Variants in DIP2B observed in about 807,000 individuals in gnomAD.
DIP2B encodes DIP2 acetate--CoA ligase B (putative).
A neutral mutation model predicts 198.0 loss-of-function variants in DIP2B; 76 were observed. The observed-to-expected ratio is 0.38, with a 90% CI of 0.32 to 0.46. The LOEUF (loss-of-function observed/expected upper bound fraction) is 0.46, where lower values mean the gene tolerates loss of function less well. Among genes scored for constraint, DIP2B ranks in the 20% least tolerant of loss-of-function variants. The pLI, the probability that DIP2B is intolerant of heterozygous loss-of-function variation, is 0.99. For missense variants in DIP2B, 1,559 were observed against 1,978.4 expected, an observed-to-expected ratio of 0.79 and a Z score of 4.02; for synonymous variants, 701 against 739.1, an observed-to-expected ratio of 0.95 and a Z score of 0.84.
At chr12:50,574,366 T>G (rs1958640212) in intron 1 of DIP2B, among the ~76,000 whole-genome samples, 1 of 152,220 alleles carries the variant, frequency 6.6e-6, no homozygotes, top group African/African-American at 2.4e-5. Flanking sequence ...AATATTGCTT[T>G]TATTACTGAT....
At chr12:50,571,948 A>G (rs572280718) in intron 1 of DIP2B, among the ~76,000 whole-genome samples, 51 of 152,300 alleles carry the variant, frequency 3.3e-4, no homozygotes, top group African/African-American at 1.2e-3. Context: ...TTTCCAGTTC[A>G]ACTTTTAGTT....
intron 36 of DIP2B, among the ~76,000 whole-genome samples, chr12:50,739,787 A>C (rs1386415433): frequency 6.6e-6 from 1 of 152,216 alleles, no homozygotes; most frequent in African/African-American, 2.4e-5. Context: ...GCTTGGGGCA[A>C]GCCCAGGAGC....
chr12:50,505,885 T>C (rs1444263607), intron 1 of DIP2B, among the ~76,000 whole-genome samples: 1 of 152,064 alleles, frequency 6.6e-6, no homozygotes, highest in East Asian at 1.9e-4. Flanking sequence ...TGGTGCCTGT[T>C]ATTCGGGCCG....
At position 50,576,091 on chromosome 12, in the gene DIP2B, C is replaced by T. The variant is rs553089593; in HGVS notation, c.101-49885C>T. 4.2e-5 allele frequency among the ~76,000 whole-genome samples: 6 copies of T among 141,862 alleles called. No individual in the cohort carries two copies. The South Asian group carries it at 6.7e-4, about 16-fold the overall frequency. 93.1% of individuals were successfully genotyped at this position (141,862 alleles called of 152,430 possible). On this transcript the variant is annotated intron_variant, in intron 1 of 37. Coordinates refer to ENST00000301180, the MANE Select transcript of DIP2B (RefSeq NM_173602.3). ...TTTTTTCACTTTTTTTTTTTTGAGA[C>T]GGAGTTTTGCTCTTGTTGCCCAGGC... is the stretch of plus-strand genomic sequence containing the variant.
intron 1 of DIP2B, among the ~76,000 whole-genome samples, chr12:50,569,178 G>A (rs1467128474): frequency 1.3e-5 from 2 of 151,194 alleles, no homozygotes; most frequent in Non-Finnish European, 2.9e-5. Flanking sequence ...GGCACATAAA[G>A]TATCAGATAA....
chr12:50,648,370 T>C (rs553654741), intron 3 of DIP2B, among the ~76,000 whole-genome samples: 9 of 152,248 alleles, frequency 5.9e-5, no homozygotes, highest in African/African-American at 2.2e-4. Context: ...ATTTTATTTA[T>C]TTATTTTTTT....
intron 1 of DIP2B, among the ~76,000 whole-genome samples, chr12:50,514,531 C>T (rs1003831952): frequency 6.6e-6 from 1 of 152,204 alleles, no homozygotes; most frequent in Non-Finnish European, 1.5e-5. Flanking sequence ...CCTCCATGTT[C>T]TTACTCTCAT....
intron 8 of DIP2B, among the ~76,000 whole-genome samples, 186 bp from the exon 9 acceptor site, chr12:50,680,486 T>C (rs1939021993): frequency 6.6e-6 from 1 of 152,176 alleles, no homozygotes; most frequent in Non-Finnish European, 1.5e-5. Context: ...TTTTGTAAAC[T>C]AGAATGAATA....
chr12:50,694,215 G>T (rs1369637244), intron 14 of DIP2B, among the ~76,000 whole-genome samples: 5 of 152,116 alleles, frequency 3.3e-5, no homozygotes, highest in Non-Finnish European at 5.9e-5. Context: ...ATATACCACA[G>T]CCGGGCACTG....
At chr12:50,719,859 A>T (rs556109870) in intron 25 of DIP2B, among the ~76,000 whole-genome samples, 23 of 147,894 alleles carry the variant, frequency 1.6e-4, no homozygotes, top group African/African-American at 4.9e-4. Flanking sequence ...AAAAAGAAAA[A>T]ATATATATAT....
intron 37 of DIP2B, among the ~76,000 whole-genome samples, chr12:50,743,411 C>A (rs1176766914): frequency 6.6e-6 from 1 of 152,128 alleles, no homozygotes; most frequent in East Asian, 1.9e-4. Flanking sequence ...TTTAGCCCTG[C>A]ATACCAAGTC....
At chr12:50,686,760 A>AT (rs1939137955) in intron 12 of DIP2B, 78 bp downstream of exon 12, 1 of 1,367,564 alleles carries the variant, frequency 7.3e-7, no homozygotes, top group African/African-American at 1.5e-5. Context: ...ATAAAACTGA[A>AT]TTTTTGCAAC....
chr12:50,648,554 G>T (rs545970570), intron 3 of DIP2B, among the ~76,000 whole-genome samples: 59 of 151,948 alleles, frequency 3.9e-4, no homozygotes, highest in African/African-American at 1.0e-3. Flanking sequence ...TAGTAGAGAC[G>T]GGTTTTCACT....
In DIP2B at chr12:50,706,605, C is replaced by G; in HGVS notation, c.2474C>G (p.Ala825Gly). The G allele has an allele frequency of 1.2e-6, 2 of 1,614,068 alleles. No individual in the cohort carries two copies. Among genetic ancestry groups the G allele is most frequent in the Non-Finnish European group, 1.7e-6 (2 of 1,179,984 alleles). The change falls in exon 21 of 38, where the codon GCT becomes GGT. Residue 825 changes from alanine (A) to glycine (G), a missense_variant. Coordinates refer to ENST00000301180, the MANE Select transcript of DIP2B (RefSeq NM_173602.3). ...ATGGTTAGTGGTCGAAGACATAATG[C>G]TGATGACATTGTTGCTACTGGATTG... ...LLMVSGRRHN[A>G]DDIVATGLAV...
rs965306348 is a variant in DIP2B, at chr12:50,580,826, C to T, written c.101-45150C>T. ...GTTTTGTTACAGCAATACTTTCACACACTTTATGTTCAAATGATGGAAATA... is the reference window on the plus strand; with the variant it reads ...GTTTTGTTACAGCAATACTTTCACATACTTTATGTTCAAATGATGGAAATA... On this transcript the variant is annotated intron_variant, in intron 1 of 37. Coordinates refer to ENST00000301180, the MANE Select transcript of DIP2B (RefSeq NM_173602.3). 3.1e-4 allele frequency among the ~76,000 whole-genome samples: 46 copies of T among 148,924 alleles called. 5 individuals carry two copies. Among genetic ancestry groups the T allele is most frequent in the African/African-American group, 8.6e-4 (35 of 40,638 alleles).
chr12:50,694,376 A>G (rs1281297897), intron 14 of DIP2B, among the ~76,000 whole-genome samples: 1 of 152,086 alleles, frequency 6.6e-6, no homozygotes, highest in African/African-American at 2.4e-5. Flanking sequence ...CACACCTGTA[A>G]TCCCTGCTAC....
intron 32 of DIP2B, 52 bp downstream of exon 32, chr12:50,732,588 A>G: frequency 6.3e-7 from 1 of 1,596,582 alleles, no homozygotes; most frequent in Non-Finnish European, 8.6e-7. Context: ...AATATGGAGT[A>G]TCCCAGAGCA....
chr12:50,662,578 G>A (rs1257175543), intron 4 of DIP2B, among the ~76,000 whole-genome samples: 1 of 152,134 alleles, frequency 6.6e-6, no homozygotes, highest in Non-Finnish European at 1.5e-5. Flanking sequence ...GCTACCAATT[G>A]GCTGTTTCCA....
At position 50,693,070 on chromosome 12, in the gene DIP2B, A is replaced by G. The variant is rs147062444; in HGVS notation, c.1719+57A>G. The G allele has an allele frequency of 3.8e-4, 568 of 1,502,134 alleles. 1 individual carries two copies. In the African/African-American group the frequency reaches 6.5e-3, roughly 17 times the overall value. The allele number at this position is 1,502,134 out of a possible 1,614,324, so 93.1% of individuals were successfully genotyped here. On this transcript the variant is annotated intron_variant, in intron 14 of 37. Coordinates refer to ENST00000301180, the MANE Select transcript of DIP2B (RefSeq NM_173602.3). ...AAATTGTGCTTGAGATAAGGCCAGC[A>G]TGTTGTATAACTGGAGCATCTCTCA...
Sources: allele counts gnomAD v4.1 joint callset (sites outside exome capture counted in the v4.1 genomes callset), GRCh38; gene constraint gnomAD v4.1.1; transcripts MANE v1.5; gene names NCBI Gene and HGNC (gene_info 2026-07-23, HGNC 2026-07-21).